Variants in PTPRG observed in about 807,000 individuals in gnomAD.
PTPRG encodes the protein protein tyrosine phosphatase receptor type G.
PTPRG carries 102 observed loss-of-function variants against 165.3 expected under a neutral mutation model. The ratio of observed to expected loss-of-function variants is 0.62; its 90% CI spans 0.53 to 0.73. The LOEUF is 0.73. Among genes scored for constraint, PTPRG ranks in the 30% least tolerant of loss-of-function variants. The pLI is 0.00. For synonymous variants in PTPRG, 675 were observed against 669.5 expected, an observed-to-expected ratio of 1.01 and a Z score of -0.13; for missense variants, 1,866 against 1,861.4, an observed-to-expected ratio of 1.00 and a Z score of -0.05.
At chr3:61,649,287 T>G (rs1374880350) in intron 1 of PTPRG, among the ~76,000 whole-genome samples, 1 of 152,156 alleles carries the variant, frequency 6.6e-6, no homozygotes, top group Non-Finnish European at 1.5e-5. Flanking sequence ...GCTAAAGTAC[T>G]AGGATTACAG....
intron 2 of PTPRG, among the ~76,000 whole-genome samples, chr3:61,885,440 GCACATTAATT>G (rs1275540343): frequency 1.3e-5 from 2 of 150,626 alleles, no homozygotes; most frequent in Non-Finnish European, 3.0e-5. Flanking sequence ...TTGTACATAT[GCACATTAATT>G]CACGTGAGGA....
intron 2 of PTPRG, among the ~76,000 whole-genome samples, chr3:61,816,176 A>G (rs537460519): frequency 1.3e-5 from 2 of 152,168 alleles, no homozygotes; most frequent in South Asian, 2.1e-4. Flanking sequence ...ACTCCATTCA[A>G]AGTAGGAATT....
chr3:62,173,667 T>G (rs1327857670), intron 8 of PTPRG, among the ~76,000 whole-genome samples: 2 of 152,184 alleles, frequency 1.3e-5, no homozygotes, highest in Non-Finnish European at 2.9e-5. Context: ...CCACTTACAC[T>G]TCACTTTAAC....
chr3:61,709,681 G>A (rs1455858032), intron 1 of PTPRG, among the ~76,000 whole-genome samples: 2 of 152,122 alleles, frequency 1.3e-5, no homozygotes, highest in Non-Finnish European at 2.9e-5. Flanking sequence ...TCTTGCCTAA[G>A]ATACTTACTA....
intron 1 of PTPRG, among the ~76,000 whole-genome samples, chr3:61,738,975 TTTTTTTTTTTTTTTTG>T (rs1234841875): frequency 2.3e-4 from 14 of 61,230 alleles, no homozygotes; most frequent in African/African-American, 5.4e-4. Flanking sequence ...CTGTTGCTTT[TTTTTTTTTTTTTTTTG>T]TTTTTTTTTT....
At chr3:61,682,771 G>C (rs1320216759) in intron 1 of PTPRG, among the ~76,000 whole-genome samples, 3 of 152,140 alleles carry the variant, frequency 2.0e-5, no homozygotes, top group African/African-American at 7.2e-5. Context: ...ACCACAAGTG[G>C]CTAATTGTGA....
intron 7 of PTPRG, among the ~76,000 whole-genome samples, chr3:62,159,334 A>C (rs1704657067): frequency 6.6e-6 from 1 of 152,100 alleles, no homozygotes; most frequent in Non-Finnish European, 1.5e-5. Flanking sequence ...GTCTCAAAAA[A>C]AAAAGAGAAA....
At chr3:61,953,040 C>G (rs903927384) in intron 2 of PTPRG, among the ~76,000 whole-genome samples, 1 of 152,124 alleles carries the variant, frequency 6.6e-6, no homozygotes, top group African/African-American at 2.4e-5. Context: ...ATCCTAGGAT[C>G]CAGCAATGAC....
intron 13 of PTPRG, among the ~76,000 whole-genome samples, chr3:62,221,411 G>C (rs1403700601): frequency 6.6e-6 from 1 of 152,176 alleles, no homozygotes; most frequent in Admixed American, 6.5e-5. Context: ...ATTAGTGTTA[G>C]GATGAATGAG....
chr3:61,743,407 G>A (rs2033079966), intron 1 of PTPRG, among the ~76,000 whole-genome samples: 1 of 152,134 alleles, frequency 6.6e-6, no homozygotes, highest in Non-Finnish European at 1.5e-5. Context: ...TATGATGGGA[G>A]TCACTGTATT....
chr3:61,970,331 C>A (rs2040355479), intron 2 of PTPRG, among the ~76,000 whole-genome samples: 1 of 152,128 alleles, frequency 6.6e-6, no homozygotes, highest in South Asian at 2.1e-4. Flanking sequence ...ATTTTCCTTT[C>A]TTCTTTGTTT....
chr3:61,903,460 G>T (rs150653600), intron 2 of PTPRG, among the ~76,000 whole-genome samples: 2 of 152,116 alleles, frequency 1.3e-5, no homozygotes, highest in African/African-American at 4.8e-5. Context: ...TGCAACCTCC[G>T]CCTCTCGGGT....
intron 1 of PTPRG, among the ~76,000 whole-genome samples, chr3:61,684,283 C>T (rs1229754783): frequency 1.3e-5 from 2 of 152,182 alleles, no homozygotes; most frequent in African/African-American, 2.4e-5. Context: ...ATGCTGCTGC[C>T]AGCTCCCCTC....
chr3:62,144,144 C>T (rs1576058463), intron 6 of PTPRG, among the ~76,000 whole-genome samples: 1 of 152,200 alleles, frequency 6.6e-6, no homozygotes, highest in Non-Finnish European at 1.5e-5. Context: ...GTGACAGACG[C>T]ACTGGCCTGC....
chr3:62,264,867 A>G (rs971947476), intron 17 of PTPRG, among the ~76,000 whole-genome samples: 1 of 152,104 alleles, frequency 6.6e-6, no homozygotes, highest in Non-Finnish European at 1.5e-5. Context: ...AGGAACTATC[A>G]AACTCTTTTC....
intron 1 of PTPRG, among the ~76,000 whole-genome samples, chr3:61,674,638 C>T (rs941656994): frequency 2.6e-5 from 4 of 151,974 alleles, no homozygotes; most frequent in Admixed American, 2.6e-4. Context: ...GTTTGTTGAG[C>T]AGCTGTTTGT....
At chr3:61,864,201 A>G (rs1312186200) in intron 2 of PTPRG, among the ~76,000 whole-genome samples, 2 of 152,126 alleles carry the variant, frequency 1.3e-5, no homozygotes, top group Non-Finnish European at 2.9e-5. Flanking sequence ...TTCTCAATAA[A>G]TGTCACCTAG....
At chr3:61,823,213 T>A (rs1229520131) in intron 2 of PTPRG, among the ~76,000 whole-genome samples, 1 of 152,152 alleles carries the variant, frequency 6.6e-6, no homozygotes, top group East Asian at 1.9e-4. Context: ...TGTTTTGAGA[T>A]GGAGTCTTGT....
intron 2 of PTPRG, among the ~76,000 whole-genome samples, chr3:61,856,283 A>G (rs964831680): frequency 3.9e-5 from 6 of 152,064 alleles, no homozygotes; most frequent in Non-Finnish European, 5.9e-5. Context: ...GAAGCCTCAT[A>G]CCCATTGAGC....
Sources: allele counts gnomAD v4.1 joint callset (sites outside exome capture counted in the v4.1 genomes callset), GRCh38; gene constraint gnomAD v4.1.1; transcripts MANE v1.5; gene names NCBI Gene and HGNC (gene_info 2026-07-23, HGNC 2026-07-21).